CDH17: variants seen among roughly 807,000 people sequenced by gnomAD.
CDH17 encodes the protein cadherin 17.
CDH17 carries 67 observed loss-of-function variants against 86.3 expected under a neutral mutation model. The observed-to-expected ratio is 0.78, with a 90% CI of 0.64 to 0.95. The LOEUF is 0.95. Among genes scored for constraint, CDH17 ranks in the 40% least tolerant of loss-of-function variants. CDH17 has a pLI of 0.00. For synonymous variants in CDH17, 367 were observed against 366.4 expected (o/e 1.00, Z -0.02); for missense variants, 993 against 1,017.6 (o/e 0.98, Z 0.33).
rs766756722 is a variant in CDH17 at position 94,189,249 on chromosome 8, G to T, written c.88C>A (p.Pro30Thr). ...GYGQEGKFSG[P>T]LKPMTFSIYE... ...ATAGAAAATGTCATGGGTTTCAGGG[G>T]TCCACTAAACTTCCCCTCTTGGCCA... Residue 30 changes from proline to threonine, a missense_variant, in exon 3 of 18, where the codon CCC becomes ACC. Transcript: ENST00000027335. 2 of 1,612,460 alleles carry T rather than the reference G, an allele frequency of 1.2e-6. No homozygotes were observed. Among genetic ancestry groups the T allele is most frequent in the African/African-American group, 2.7e-5 (2 of 74,836 alleles).
chr8:94,142,859 C>T (rs1022202438), intron 15 of CDH17, among the ~76,000 whole-genome samples: 1 of 152,154 alleles, frequency 6.6e-6, no homozygotes. Context: ...ACTTCTAATT[C>T]GAGCTCTATT....
In CDH17 at chr8:94,130,621, C is replaced by T. The variant is rs768102379; in HGVS notation, c.2398+5G>A. The T allele has an allele frequency of 6.3e-7, 1 of 1,582,214 alleles. No homozygotes were observed. The highest frequency in any genetic ancestry group is 8.7e-7 in the Non-Finnish European group (1 of 1,152,556). On this transcript the variant is annotated splice_donor_5th_base_variant and intron_variant, in intron 17 of 17. Coordinates refer to ENST00000027335, the MANE Select transcript of CDH17 (RefSeq NM_004063.4). ...AGACTCTTTGAATTAAGAAATTACACTCACCAATCACCAGAAGGGTGGTCA... is the reference window on the plus strand; with the variant it reads ...AGACTCTTTGAATTAAGAAATTACATTCACCAATCACCAGAAGGGTGGTCA...
At chr8:94,174,299 A>G in intron 5 of CDH17, 39 bp from the exon 6 acceptor site, 1 of 1,508,142 alleles carries the variant, frequency 6.6e-7, no homozygotes, top group Non-Finnish European at 8.9e-7. Context: ...AAAAAAAAAG[A>G]TATTAATTGA....
chr8:94,129,795 G>A (rs1313859650), intron 17 of CDH17, among the ~76,000 whole-genome samples: 1 of 152,128 alleles, frequency 6.6e-6, no homozygotes, highest in African/African-American at 2.4e-5. Context: ...GTGACAGGTT[G>A]CAGGCAAAAC....
chr8:94,162,451 G>T (rs1038904796), intron 10 of CDH17, among the ~76,000 whole-genome samples: 1 of 152,218 alleles, frequency 6.6e-6, no homozygotes, highest in Non-Finnish European at 1.5e-5. Flanking sequence ...TTGTTCCTGA[G>T]CAGGATGGCT....
intron 10 of CDH17, 150 bp downstream of exon 10, chr8:94,165,611 C>T (rs1254070340): frequency 1.5e-6 from 1 of 654,164 alleles, no homozygotes; most frequent in Non-Finnish European, 2.7e-6. Flanking sequence ...GTTCAACCAG[C>T]TATCTCTGTG....
At chr8:94,215,011 G>A (rs1391036757) in intron 1 of CDH17, among the ~76,000 whole-genome samples, 1 of 152,192 alleles carries the variant, frequency 6.6e-6, no homozygotes, top group South Asian at 2.1e-4. Context: ...AGATGATGTG[G>A]AGAAATTAGA....
rs146442397 is a variant in CDH17, at chr8:94,188,111, G to A, written c.150+1076C>T. Among the ~76,000 whole-genome samples, 39 of 152,162 alleles carry A rather than the reference G, an allele frequency of 2.6e-4. 1 individual carries two copies. The East Asian group carries it at 7.0e-3, about 27-fold the overall frequency. ...GGTGGGGGCTCATTCCTGGACCCAC[G>A]CAGATACCAAAATCCACAGATACTG... is the stretch of plus-strand genomic sequence containing the variant. On this transcript the variant is annotated intron_variant, in intron 3 of 17. Transcript: ENST00000027335.
intron 2 of CDH17, among the ~76,000 whole-genome samples, chr8:94,192,136 C>A (rs1813701509): frequency 1.3e-5 from 2 of 152,288 alleles, no homozygotes; most frequent in South Asian, 4.2e-4. Context: ...GTCTTGGTTC[C>A]AGGGTTCAAA....
At chr8:94,146,978 T>C (rs1408562745) in intron 14 of CDH17, among the ~76,000 whole-genome samples, 2 of 151,844 alleles carry the variant, frequency 1.3e-5, no homozygotes, top group South Asian at 2.1e-4. Flanking sequence ...TCTATGTCCA[T>C]GGCTATACTT....
chr8:94,186,108 C>G (rs1813573784), intron 3 of CDH17, among the ~76,000 whole-genome samples: 1 of 152,162 alleles, frequency 6.6e-6, no homozygotes, highest in Admixed American at 6.5e-5. Context: ...TCTATTGGCA[C>G]CTATATAAGG....
chr8:94,134,003 G>T (rs1022765656), intron 15 of CDH17, among the ~76,000 whole-genome samples: 7 of 152,200 alleles, frequency 4.6e-5, no homozygotes, highest in Non-Finnish European at 7.3e-5. Flanking sequence ...CAGGGATGAA[G>T]CCAACTTGAT....
intron 2 of CDH17, among the ~76,000 whole-genome samples, chr8:94,192,172 A>C (rs927593832): frequency 2.0e-5 from 3 of 152,336 alleles, no homozygotes; most frequent in Non-Finnish European, 2.9e-5. Context: ...TGGGGCAACA[A>C]ATCTCTCTTC....
At chr8:94,145,526 A>G (rs1265810763) in intron 15 of CDH17, among the ~76,000 whole-genome samples, 1 of 152,172 alleles carries the variant, frequency 6.6e-6, no homozygotes, top group Non-Finnish European at 1.5e-5. Context: ...GGTGGTGGAA[A>G]TGTTCATTGT....
intron 11 of CDH17, among the ~76,000 whole-genome samples, chr8:94,160,379 A>G (rs758429280): frequency 2.6e-5 from 4 of 152,242 alleles, no homozygotes; most frequent in Non-Finnish European, 5.9e-5. Context: ...GCAATACCTC[A>G]GAGAGCTACT....
chr8:94,177,743 G>A, intron 3 of CDH17, 22 bp from the exon 4 acceptor site: 1 of 1,611,276 alleles, frequency 6.2e-7, no homozygotes, highest in Non-Finnish European at 8.5e-7. Context: ...GCAAAAAACA[G>A]ATTAAGTTGT....
chr8:94,159,984 A>C lies in CDH17; in HGVS notation c.1538T>G (p.Val513Gly), dbSNP rs2130617302. 1 of 1,605,412 alleles carries C rather than the reference A, an allele frequency of 6.2e-7. No homozygotes were observed. The highest frequency in any genetic ancestry group is 1.1e-5 in the South Asian group (1 of 88,540). The change falls in exon 12 of 18, where the codon GTC becomes GGC. Residue 513 changes from valine (V) to glycine (G), a missense_variant. Transcript: ENST00000027335. ...DTDPHTNTGY[V>G]IIKKPLDFET... is the part of the protein sequence containing the mutation. The stretch of plus-strand genomic sequence containing the variant: ...TGGGCTATTTACCTTTTTAATTATG[A>C]CATATCCGGTGTTGGTATGGGGATC...
intron 15 of CDH17, among the ~76,000 whole-genome samples, chr8:94,144,232 G>T (rs760377168): frequency 1.3e-5 from 2 of 152,182 alleles, no homozygotes; most frequent in Non-Finnish European, 2.9e-5. Flanking sequence ...GCGTCAGAAC[G>T]TACGTCGACG....
chr8:94,152,119 A>G lies in CDH17; in HGVS notation c.1552-7T>C. ...CTGTTTCAAAATCAAGAGGCTGTGT[A>G]GGAGAAAGAGAGAAAATTAATTTTG... On this transcript the variant is annotated splice_polypyrimidine_tract_variant and splice_region_variant and intron_variant, in intron 12 of 17. Coordinates refer to ENST00000027335, the MANE Select transcript of CDH17 (RefSeq NM_004063.4). 1 of 1,612,190 alleles carries G rather than the reference A, an allele frequency of 6.2e-7. No individual in the cohort carries two copies. Among genetic ancestry groups the G allele is most frequent in the Admixed American group, 1.7e-5 (1 of 59,780 alleles).
Sources: gnomAD v4.1 joint callset for allele counts (sites outside exome capture counted in the v4.1 genomes callset) on GRCh38, gnomAD v4.1.1 for gene constraint, MANE v1.5 for transcripts, NCBI Gene and HGNC (gene_info 2026-07-23, HGNC 2026-07-21) for gene names.